NPEPPS: variants seen among roughly 807,000 people sequenced by gnomAD.
NPEPPS encodes the protein aminopeptidase puromycin sensitive, also known as puromycin-sensitive aminopeptidase.
A neutral mutation model predicts 115.5 loss-of-function variants in NPEPPS; 14 were observed. That is an observed-to-expected ratio of 0.12 (90% CI 0.08 to 0.19). The LOEUF is 0.19. Among genes scored for constraint, NPEPPS ranks in the 10% least tolerant of loss-of-function variants. NPEPPS has a pLI of 1.00. For synonymous variants in NPEPPS, 285 were observed against 390.6 expected, an observed-to-expected ratio of 0.73 and a Z score of 3.19; for missense variants, 523 against 1,110.8, an observed-to-expected ratio of 0.47 and a Z score of 7.52.
At chr17:47,552,886 G>A (rs923851574) in intron 2 of NPEPPS, among the ~76,000 whole-genome samples, 12 of 152,114 alleles carry the variant, frequency 7.9e-5, no homozygotes, top group Admixed American at 3.9e-4. Flanking sequence ...GAGAACAACC[G>A]TAGGCACAGA....
At chr17:47,549,176 C>T (rs1433865398) in intron 2 of NPEPPS, among the ~76,000 whole-genome samples, 7 of 151,676 alleles carry the variant, frequency 4.6e-5, no homozygotes. Flanking sequence ...AACCCCATCT[C>T]TACTAAAAAT....
At chr17:47,564,166 C>G (rs62073984) in intron 2 of NPEPPS, among the ~76,000 whole-genome samples, 147 of 152,200 alleles carry the variant, frequency 9.7e-4, no homozygotes, top group Non-Finnish European at 1.8e-3. Flanking sequence ...AAGTGACCCT[C>G]CCACCTCGGT....
chr17:47,567,890 T>C (rs1910932164), intron 2 of NPEPPS, among the ~76,000 whole-genome samples: 1 of 151,932 alleles, frequency 6.6e-6, no homozygotes. Context: ...CCACATTTTA[T>C]CTATTCCATC....
upstream of NPEPPS, among the ~76,000 whole-genome samples, chr17:47,530,259 A>G (rs1444214050): frequency 6.7e-6 from 1 of 149,678 alleles, no homozygotes; most frequent in Non-Finnish European, 1.5e-5. Flanking sequence ...TCCCATTTTA[A>G]ACATTAAATC....
In NPEPPS at chr17:47,582,935, A is replaced by T; in HGVS notation, c.648+86A>T. The T allele has an allele frequency of 5.1e-6, 3 of 588,196 alleles. No homozygotes were observed. In the East Asian group the frequency reaches 8.4e-5, roughly 17 times the overall value. The allele number at this position is 588,196 out of a possible 1,614,324, so 36.4% of individuals were successfully genotyped here. On this transcript the variant is annotated intron_variant, in intron 5 of 22. Transcript: ENST00000322157. ...TGATTAGATGGGATAATATGAAACC[A>T]CCTACCACAGTGCTGGTATATTATA...
intron 12 of NPEPPS, among the ~76,000 whole-genome samples, chr17:47,594,363 ATTTTAAATTTAC>A (rs1912708159): frequency 6.6e-6 from 1 of 151,362 alleles, no homozygotes; most frequent in Admixed American, 6.6e-5. Context: ...TTACTGTAAC[ATTTTAAATTTAC>A]TTTTTAATTT....
At chr17:47,534,184 C>T (rs1317116490) in intron 1 of NPEPPS, among the ~76,000 whole-genome samples, 1 of 151,904 alleles carries the variant, frequency 6.6e-6, no homozygotes, top group Non-Finnish European at 1.5e-5. Context: ...CTCTGCCTTC[C>T]GGGTTCACGC....
At chr17:47,559,742 C>T in intron 2 of NPEPPS, 1 of 439,344 alleles carries the variant, frequency 2.3e-6, no homozygotes, top group South Asian at 1.6e-5. Flanking sequence ...TTTACTCAAG[C>T]CTCTTGTCTT....
chr17:47,618,294 A>T, intron 19 of NPEPPS, 56 bp from the exon 20 acceptor site: 1 of 1,157,582 alleles, frequency 8.6e-7, no homozygotes, highest in Non-Finnish European at 1.3e-6. Context: ...ATATAATCAT[A>T]TGCAGAACAT....
chr17:47,602,934 A>G lies in NPEPPS; in HGVS notation c.1741-981A>G, dbSNP rs193119652. On this transcript the variant is annotated intron_variant, in intron 15 of 22. Transcript: ENST00000322157. ...TATAAATGAGAAAAAAGTTATGTACACTACAATTTTGATTAGGTTAAATAA... is the reference window on the plus strand; with the variant it reads ...TATAAATGAGAAAAAAGTTATGTACGCTACAATTTTGATTAGGTTAAATAA... Among the ~76,000 whole-genome samples, 537 of 152,240 alleles carry G rather than the reference A, an allele frequency of 3.5e-3. 2 individuals are homozygous for G. The highest frequency in any genetic ancestry group is 6.3e-3 in the Non-Finnish European group (431 of 68,020).
rs1907997319 is a variant in NPEPPS at position 47,533,797 on chromosome 17, A to G, written c.255+2242A>G. 2.6e-5 allele frequency among the ~76,000 whole-genome samples: 4 copies of G among 152,144 alleles called. No homozygotes were observed. In the South Asian group the frequency reaches 8.3e-4, roughly 31 times the overall value. On this transcript the variant is annotated intron_variant, in intron 1 of 22. Transcript: ENST00000322157. ...AATTTGATGCAAGGAAATAAATAAA[A>G]AATAAATAAATTTTTTAAGTAGCAT... is the stretch of plus-strand genomic sequence containing the variant.
chr17:47,595,688 G>A (rs759272077), intron 12 of NPEPPS, among the ~76,000 whole-genome samples: 4 of 151,452 alleles, frequency 2.6e-5, no homozygotes, highest in East Asian at 2.0e-4. Context: ...ACAAAAAATT[G>A]CAAGAAATTA....
chr17:47,550,741 C>T (rs1265912228), intron 2 of NPEPPS, among the ~76,000 whole-genome samples: 1 of 151,472 alleles, frequency 6.6e-6, no homozygotes, highest in Non-Finnish European at 1.5e-5. Flanking sequence ...ATTCTCCTGC[C>T]TCAGCCTCCC....
At chr17:47,608,453 CAAAAAAAAAAA>C (rs36062497) in intron 17 of NPEPPS, among the ~76,000 whole-genome samples, 1 of 79,176 alleles carries the variant, frequency 1.3e-5, no homozygotes, top group African/African-American at 5.2e-5. Context: ...GACTCCGTCT[CAAAAAAAAAAA>C]AAAAAAAAAA....
chr17:47,534,875 G>A (rs1260098911), intron 1 of NPEPPS, among the ~76,000 whole-genome samples: 1 of 151,946 alleles, frequency 6.6e-6, no homozygotes, highest in Non-Finnish European at 1.5e-5. Context: ...GGCCAACTTA[G>A]TGGATTTTTA....
chr17:47,543,427 C>T (rs1382186747), intron 1 of NPEPPS, among the ~76,000 whole-genome samples: 2 of 151,268 alleles, frequency 1.3e-5, no homozygotes, highest in Non-Finnish European at 2.9e-5. Flanking sequence ...AAGTGATTCT[C>T]CTGCTTCAGC....
chr17:47,541,710 C>T (rs1441512580), intron 1 of NPEPPS, among the ~76,000 whole-genome samples: 2 of 152,106 alleles, frequency 1.3e-5, no homozygotes, highest in African/African-American at 2.4e-5. Context: ...TCTGAATAGG[C>T]AAAGAATTCT....
chr17:47,532,468 CA>C (rs1907877665), intron 1 of NPEPPS, among the ~76,000 whole-genome samples: 1 of 151,868 alleles, frequency 6.6e-6, no homozygotes, highest in African/African-American at 2.4e-5. Flanking sequence ...GCCTGACCAA[CA>C]TGGTGAAACC....
intron 9 of NPEPPS, among the ~76,000 whole-genome samples, chr17:47,587,593 A>G (rs1459813010): frequency 2.0e-5 from 3 of 152,200 alleles, no homozygotes; most frequent in Admixed American, 6.5e-5. Context: ...CAAGTGGGAA[A>G]AGTCAAGATA....
Sources: allele counts gnomAD v4.1 joint callset (sites outside exome capture counted in the v4.1 genomes callset), GRCh38; gene constraint gnomAD v4.1.1; transcripts MANE v1.5; gene names NCBI Gene and HGNC (gene_info 2026-07-23, HGNC 2026-07-21).